Variants in KIDINS220 observed in about 807,000 individuals in gnomAD.
The protein encoded by KIDINS220 is kinase D interacting substrate 220, also known as kinase D-interacting substrate of 220 kDa.
In KIDINS220, 63 loss-of-function variants were observed where a neutral mutation model predicts 157.6. The observed-to-expected ratio is 0.40, with a 90% confidence interval of 0.33 to 0.49. The LOEUF (loss-of-function observed/expected upper bound fraction) is 0.49. KIDINS220 is among the 20% of genes least tolerant of loss of function. The pLI, the probability that KIDINS220 is intolerant of heterozygous loss-of-function variation, is 0.66. For synonymous variants in KIDINS220, 732 were observed against 783.6 expected (o/e 0.93, Z 1.10); for missense variants, 1,772 against 2,171.2 (o/e 0.82, Z 3.65).
intron 1 of KIDINS220, among the ~76,000 whole-genome samples, chr2:8,827,637 C>CT (rs1679004829): frequency 6.6e-6 from 1 of 152,116 alleles, no homozygotes; most frequent in Admixed American, 6.5e-5. Context: ...TCATCGCTTC[C>CT]TAACTGGCCT....
At chr2:8,794,610 C>T (rs917751665) in intron 11 of KIDINS220, among the ~76,000 whole-genome samples, 6 of 152,186 alleles carry the variant, frequency 3.9e-5, no homozygotes, top group Non-Finnish European at 5.9e-5. Flanking sequence ...CCTCACCTTT[C>T]ACTTTTCCCT....
intron 2 of KIDINS220, 116 bp from the exon 3 acceptor site, chr2:8,818,909 T>C: frequency 2.2e-6 from 1 of 463,498 alleles, no homozygotes; most frequent in Non-Finnish European, 3.9e-6. Flanking sequence ...TTTAGTTGTG[T>C]TTACTATATT....
intron 1 of KIDINS220, among the ~76,000 whole-genome samples, chr2:8,832,064 C>A (rs757542581): frequency 1.9e-4 from 29 of 152,188 alleles, no homozygotes; most frequent in Non-Finnish European, 3.2e-4. Flanking sequence ...AATTCCCACT[C>A]CTCCTTATTC....
In KIDINS220 at chr2:8,731,994, G is replaced by A. The variant is rs1558303674; in HGVS notation, c.4054-12C>T. ...CTGCGAGTTTGTGACTGTGAAGACA[G>A]AAAAAAAATAATTTAAAAATTCAAA... On this transcript the variant is annotated splice_polypyrimidine_tract_variant and intron_variant, in intron 29 of 29. Coordinates refer to ENST00000256707, the MANE Select transcript of KIDINS220 (RefSeq NM_020738.4). The surrounding 1 kb of genome is among the most constrained non-coding windows in gnomAD (Gnocchi z 5.2). 4.4e-5 allele frequency: 66 copies of A among 1,503,010 alleles called. No homozygotes were observed. The highest frequency in any genetic ancestry group is 1.8e-4 in the South Asian group (13 of 70,430). The allele number at this position is 1,503,010 out of a possible 1,614,324, so 93.1% of individuals were successfully genotyped here.
chr2:8,807,188 G>A (rs73151213), intron 6 of KIDINS220, among the ~76,000 whole-genome samples: 18,792 of 152,110 alleles, frequency 0.12, 1,261 homozygotes, highest in Middle Eastern at 0.21. Context: ...TCAAGAGGTG[G>A]GACAAGACCC....
intron 9 of KIDINS220, 30 bp downstream of exon 9, chr2:8,800,370 A>C: frequency 7.1e-7 from 1 of 1,404,644 alleles, no homozygotes; most frequent in East Asian, 2.3e-5. Context: ...TTATACTCTA[A>C]GATAGCAACT....
chr2:8,751,796 C>T (rs1314420624), intron 22 of KIDINS220, 152 bp from the exon 23 acceptor site: 1 of 611,296 alleles, frequency 1.6e-6, no homozygotes, highest in African/African-American at 1.9e-5. Flanking sequence ...ACCTCTGCCT[C>T]CAGGTTCAAG....
At chr2:8,788,534 G>T in intron 15 of KIDINS220, 113 bp downstream of exon 15, 1 of 1,014,572 alleles carries the variant, frequency 9.9e-7, no homozygotes, top group Non-Finnish European at 1.4e-6. Context: ...CTCCCAAAGT[G>T]CTGGGATTAC....
chr2:8,734,406 C>T (rs909855858), intron 28 of KIDINS220, among the ~76,000 whole-genome samples: 11 of 152,146 alleles, frequency 7.2e-5, no homozygotes, highest in Non-Finnish European at 1.5e-4. Flanking sequence ...AACCGGCAGG[C>T]GGCCTCTTCC....
chr2:8,775,376 G>A (rs1290968464), intron 21 of KIDINS220, among the ~76,000 whole-genome samples: 1 of 151,860 alleles, frequency 6.6e-6, no homozygotes, highest in African/African-American at 2.4e-5. Context: ...TCCAAGAAAC[G>A]CAACCAAGGG....
At chr2:8,814,438 T>A (rs1252277248) in intron 4 of KIDINS220, among the ~76,000 whole-genome samples, 2 of 152,060 alleles carry the variant, frequency 1.3e-5, no homozygotes, top group African/African-American at 2.4e-5. Context: ...TAGAAAGATA[T>A]AGATAGATAT....
intron 7 of KIDINS220, among the ~76,000 whole-genome samples, chr2:8,805,789 C>T (rs1007022824): frequency 6.6e-6 from 1 of 152,166 alleles, no homozygotes; most frequent in East Asian, 1.9e-4. Context: ...AAAGAAATAC[C>T]ATTGTCTCCC....
At position 8,751,925 on chromosome 2, in the gene KIDINS220, G is replaced by A. The variant is rs377732189; in HGVS notation, c.3012-281C>T. On this transcript the variant is annotated intron_variant, in intron 22 of 29. Coordinates refer to ENST00000256707, the MANE Select transcript of KIDINS220 (RefSeq NM_020738.4). Reference sequence around the variant, plus strand: ...TCACCATGTTGGCCAGGCTGGTCTCGAACTCCTGATCTAAGTTGATCCACC... The same window carrying A: ...TCACCATGTTGGCCAGGCTGGTCTCAAACTCCTGATCTAAGTTGATCCACC... Among the ~76,000 whole-genome samples, 110 of 152,176 alleles carry A rather than the reference G, an allele frequency of 7.2e-4. No homozygotes were observed. The South Asian group carries it at 0.021, about 29-fold the overall frequency.
At chr2:8,830,170 A>G (rs1458201981) in intron 1 of KIDINS220, among the ~76,000 whole-genome samples, 1 of 152,186 alleles carries the variant, frequency 6.6e-6, no homozygotes, top group Non-Finnish European at 1.5e-5. Flanking sequence ...GACCTTCACC[A>G]TCTATACTAA....
chr2:8,835,717 T>G (rs951552726), intron 1 of KIDINS220, among the ~76,000 whole-genome samples: 3 of 150,782 alleles, frequency 2.0e-5, no homozygotes, highest in Non-Finnish European at 4.4e-5. Flanking sequence ...TGGAGGTACC[T>G]GGGATCCTGA....
intron 8 of KIDINS220, among the ~76,000 whole-genome samples, chr2:8,802,490 G>C (rs1275813052): frequency 1.3e-5 from 2 of 152,212 alleles, no homozygotes; most frequent in African/African-American, 4.8e-5. Context: ...TTCAACAAGA[G>C]GCTGAATGAT....
intron 8 of KIDINS220, among the ~76,000 whole-genome samples, chr2:8,801,399 C>G (rs1471393000): frequency 6.6e-6 from 1 of 152,094 alleles, no homozygotes; most frequent in Non-Finnish European, 1.5e-5. Flanking sequence ...AAACCAAAGG[C>G]AGACAAATTT....
rs964246673 is a variant in KIDINS220 at position 8,819,976 on chromosome 2, C to T, written c.109-1183G>A. 3.3e-5 allele frequency among the ~76,000 whole-genome samples: 5 copies of T among 152,202 alleles called. No homozygotes were observed. In the South Asian group the frequency reaches 6.2e-4, roughly 19 times the overall value. The stretch of plus-strand genomic sequence containing the variant: ...CAAACACTTAAACACCTACTTACTA[C>T]ATGTATATTAGTATGGAGGGAAAAT... On this transcript the variant is annotated intron_variant, in intron 2 of 29. Coordinates refer to ENST00000256707, the MANE Select transcript of KIDINS220 (RefSeq NM_020738.4).
downstream of KIDINS220, chr2:8,724,144 G>A (rs183431010): frequency 1.3e-5 from 2 of 152,414 alleles, no homozygotes; most frequent in Non-Finnish European, 2.9e-5. The surrounding 1 kb of genome is among the most constrained non-coding windows in gnomAD (Gnocchi z 4.6). Flanking sequence ...CAAAAGCACA[G>A]CAGAAAAGCT....
Sources: allele counts gnomAD v4.1 joint callset (sites outside exome capture counted in the v4.1 genomes callset), GRCh38; gene constraint gnomAD v4.1.1; non-coding constraint Gnocchi (gnomAD v3.1); transcripts MANE v1.5; gene names NCBI Gene and HGNC (gene_info 2026-07-23, HGNC 2026-07-21).